CCNK: variants seen among roughly 807,000 people sequenced by gnomAD.
CCNK encodes the protein cyclin K, also known as cyclin-K.
Under a neutral mutation model 65.0 loss-of-function variants are expected in CCNK, and 9 were observed. That is an observed-to-expected ratio of 0.14 (90% confidence interval 0.08 to 0.24). CCNK has a LOEUF of 0.24. CCNK is among the 10% of genes least tolerant of loss of function. The pLI is 1.00. For synonymous variants in CCNK, 279 were observed against 270.8 expected (o/e 1.03, Z -0.30); for missense variants, 474 against 720.0 (o/e 0.66, Z 3.91).
chr14:99,509,813 A>G, intron 10 of CCNK: 1 of 351,030 alleles, frequency 2.8e-6, no homozygotes, highest in Non-Finnish European at 5.2e-6. Context: ...CTGAAGGCAG[A>G]AAAACAGAGG....
In CCNK at chr14:99,511,523, C is replaced by CTTTGT. The variant is rs1448652358; in HGVS notation, c.*743_*747dup. ...AAAGCAGTTCTGAAACTATCCCTTT[C>CTTTGT]TTTGTTATGGGTGGAAGGTGGGGCT... On this transcript the variant is annotated 3_prime_UTR_variant, in exon 11 of 11. Transcript: ENST00000389879. The CTTTGT allele has an allele frequency of 2.0e-5, 3 of 152,560 alleles. No individual in the cohort carries two copies. Among genetic ancestry groups the CTTTGT allele is most frequent in the African/African-American group, 7.2e-5 (3 of 41,452 alleles). 9.5% of individuals were successfully genotyped at this position (152,560 alleles called of 1,614,324 possible).
intron 9 of CCNK, chr14:99,505,446 C>G: frequency 6.6e-6 from 1 of 152,218 alleles, no homozygotes; most frequent in East Asian, 1.9e-4. Context: ...TAAGACATCT[C>G]ATTAGTAAAG....
intron 4 of CCNK, among the ~76,000 whole-genome samples, chr14:99,497,972 A>G (rs1430535349): frequency 6.6e-6 from 1 of 152,206 alleles, no homozygotes; most frequent in Non-Finnish European, 1.5e-5. Flanking sequence ...TTTGATTTTT[A>G]CTGAGTAGTG....
Position 99,512,407 on chromosome 14 carries a change from C to A in CCNK, c.*1625C>A, listed in dbSNP as rs1019126987. The A allele has an allele frequency of 6.6e-6, 1 of 150,440 alleles. No homozygotes were observed. Among genetic ancestry groups the A allele is most frequent in the Non-Finnish European group, 1.5e-5 (1 of 67,896 alleles). The allele number at this position is 150,440 out of a possible 1,614,324, so 9.3% of individuals were successfully genotyped here. A position where few individuals can be genotyped will look rare whatever the true frequency, so the allele number is the denominator to read the frequency against. ...AAAAATATACACCTCTACCGCTCTGCAGTCATGCATTTAGTTTTAAGAAAA... is the reference window on the plus strand; with the variant it reads ...AAAAATATACACCTCTACCGCTCTGAAGTCATGCATTTAGTTTTAAGAAAA... On this transcript the variant is annotated 3_prime_UTR_variant, in exon 11 of 11. Transcript: ENST00000389879.
At chr14:99,493,648 C>A (rs1896640493) in intron 3 of CCNK, 53 bp downstream of exon 3, 2 of 1,224,288 alleles carry the variant, frequency 1.6e-6, no homozygotes, top group Admixed American at 1.8e-5. Context: ...TATTTCCACA[C>A]AGTTTGGTGG....
At position 99,487,017 on chromosome 14, in the gene CCNK, G is replaced by C. The variant is rs893826419; in HGVS notation, c.-53+5538G>C. On this transcript the variant is annotated intron_variant, in intron 1 of 10. Transcript: ENST00000389879. ...CCATGCCATTAAGGCCTGGCTCATA[G>C]TAAATGCTCAGGAAATATTTAAATG... 2.2e-4 allele frequency among the ~76,000 whole-genome samples: 33 copies of C among 152,308 alleles called. 1 individual carries two copies. The highest frequency in any genetic ancestry group is 1.3e-4 in the Non-Finnish European group (9 of 68,032).
chr14:99,485,066 G>A (rs889257026), intron 1 of CCNK, among the ~76,000 whole-genome samples: 8 of 152,192 alleles, frequency 5.3e-5, no homozygotes, highest in Non-Finnish European at 8.8e-5. Context: ...TAGGGAACAG[G>A]TTTATAGACC....
rs764603478 is a variant in CCNK, at chr14:99,510,380, G to T, written c.1341G>T (p.Leu447=). ...SYMSGEGYQS[L]QSMMKTEGPS... ...TGTCTGGAGAGGGCTACCAGAGCCTGCAGTCCATGATGAAGACCGAGGGAC... is the reference window on the plus strand; with the variant it reads ...TGTCTGGAGAGGGCTACCAGAGCCTTCAGTCCATGATGAAGACCGAGGGAC... Residue 447 remains leucine, a synonymous_variant, in exon 11 of 11, where the codon CTG becomes CTT. Transcript: ENST00000389879. The T allele has an allele frequency of 1.3e-6, 2 of 1,576,050 alleles. No individual in the cohort carries two copies. The highest frequency in any genetic ancestry group is 1.2e-5 in the South Asian group (1 of 86,122).
Position 99,499,340 on chromosome 14 carries a change from GT to G in CCNK, c.412-1418del, listed in dbSNP as rs562503313. On this transcript the variant is annotated intron_variant, in intron 4 of 10. Transcript: ENST00000389879. ...GGCATGAGCCACCATGTCCAGCCCAGTTTTTTTTACACTGTGTGAAAGTTTC... is the reference window on the plus strand; with the variant it reads ...GGCATGAGCCACCATGTCCAGCCCAGTTTTTTTACACTGTGTGAAAGTTTC... Among the ~76,000 whole-genome samples, 914 of 152,162 alleles carry G rather than the reference GT, an allele frequency of 6.0e-3. 40 individuals carry two copies. The highest frequency in any genetic ancestry group is 0.055 in the Admixed American group (845 of 15,284).
intron 1 of CCNK, among the ~76,000 whole-genome samples, chr14:99,491,102 C>T (rs1896588857): frequency 6.6e-6 from 1 of 152,130 alleles, no homozygotes; most frequent in South Asian, 2.1e-4. Context: ...GTGCATGTGT[C>T]ATATTTTACT....
chr14:99,493,725 C>A, intron 3 of CCNK, 130 bp downstream of exon 3: 1 of 528,980 alleles, frequency 1.9e-6, no homozygotes, highest in Non-Finnish European at 3.2e-6. Flanking sequence ...GTATATACTG[C>A]ATATAAACAA....
chr14:99,496,865 A>G (rs1243683138), intron 4 of CCNK, among the ~76,000 whole-genome samples: 2 of 150,962 alleles, frequency 1.3e-5, no homozygotes, highest in Non-Finnish European at 1.5e-5. Context: ...GTGAGCCAAG[A>G]TTGCGCTACT....
intron 1 of CCNK, among the ~76,000 whole-genome samples, chr14:99,486,963 G>A (rs1439769534): frequency 1.3e-5 from 2 of 152,066 alleles, no homozygotes; most frequent in East Asian, 1.9e-4. Flanking sequence ...AGCTTCCTGG[G>A]GCAAAGACCT....
rs1476062845 is a variant in CCNK at position 99,481,741 on chromosome 14, G to T, written c.-53+262G>T. On this transcript the variant is annotated intron_variant, in intron 1 of 10. Coordinates refer to ENST00000389879, the MANE Select transcript of CCNK (RefSeq NM_001099402.2). The stretch of plus-strand genomic sequence containing the variant: ...CTGGTAGCGGCCCTCGCACTGGGGG[G>T]CAGTCAGAGTTGGGGAACTTTCTAG... 2.7e-5 allele frequency: 10 copies of T among 364,050 alleles called. No homozygotes were observed. In the East Asian group the frequency reaches 4.0e-4, roughly 15 times the overall value. The allele number at this position is 364,050 out of a possible 1,614,324, so 22.6% of individuals were successfully genotyped here.
At chr14:99,510,029 T>C in intron 10 of CCNK, 128 bp from the exon 11 acceptor site, 1 of 889,000 alleles carries the variant, frequency 1.1e-6, no homozygotes. Context: ...GGCCCATGCG[T>C]TGGGCCACAG....
intron 1 of CCNK, among the ~76,000 whole-genome samples, chr14:99,491,775 C>T (rs1299168133): frequency 6.6e-6 from 1 of 152,204 alleles, no homozygotes; most frequent in Non-Finnish European, 1.5e-5. Context: ...CTGCTGTTTT[C>T]TTGCTAACCA....
intron 1 of CCNK, among the ~76,000 whole-genome samples, chr14:99,491,056 C>G (rs561460535): frequency 1.3e-5 from 2 of 152,010 alleles, no homozygotes; most frequent in East Asian, 3.9e-4. Flanking sequence ...AACGATGTTT[C>G]TCATTCTTTT....
At chr14:99,505,714 G>A (rs1896956985) in intron 9 of CCNK, 1 of 152,110 alleles carries the variant, frequency 6.6e-6, no homozygotes, top group Non-Finnish European at 1.5e-5. Flanking sequence ...AAATCAGCTC[G>A]GCGTGGTGGC....
chr14:99,503,807 G>A, intron 9 of CCNK, 163 bp downstream of exon 9: 1 of 610,098 alleles, frequency 1.6e-6, no homozygotes, highest in Non-Finnish European at 2.9e-6. Flanking sequence ...TTCATCACCT[G>A]ATCATAGATT....
Sources: allele counts gnomAD v4.1 joint callset (sites outside exome capture counted in the v4.1 genomes callset), GRCh38; gene constraint gnomAD v4.1.1; transcripts MANE v1.5; gene names NCBI Gene and HGNC (gene_info 2026-07-23, HGNC 2026-07-21).